GABRA3: variants seen among roughly 807,000 people sequenced by gnomAD.
GABRA3 encodes gamma-aminobutyric acid type A receptor subunit alpha3.
A neutral mutation model predicts 30.1 loss-of-function variants in GABRA3; 10 were observed. The ratio of observed to expected loss-of-function variants is 0.33; its 90% CI spans 0.20 to 0.56. The LOEUF is 0.56. GABRA3 is among the 20% of genes least tolerant of loss of function. GABRA3 has a pLI of 0.89. For missense variants in GABRA3, 233 were observed against 392.0 expected, an observed-to-expected ratio of 0.59 and a Z score of 3.42; for synonymous variants, 151 against 146.8, an observed-to-expected ratio of 1.03 and a Z score of -0.21.
At chrX:152,231,302 CGT>C (rs768086553) in intron 5 of GABRA3, among the ~76,000 whole-genome samples, 5 of 105,062 alleles carry the variant, frequency 4.8e-5, no homozygotes, top group Admixed American at 2.0e-4. Flanking sequence ...TGTATATATA[CGT>C]GTGTGTACAC....
intron 5 of GABRA3, among the ~76,000 whole-genome samples, chrX:152,232,027 G>T (rs1938090876): frequency 9.0e-6 from 1 of 110,519 alleles, no homozygotes; most frequent in African/African-American, 3.3e-5. Context: ...CTACAAATTT[G>T]TAGAGAGATT....
chrX:152,299,666 C>T (rs751116547), intron 3 of GABRA3, among the ~76,000 whole-genome samples: 5 of 111,433 alleles, frequency 4.5e-5, no homozygotes, highest in African/African-American at 6.5e-5. Context: ...TGGTTTCTGG[C>T]ATGATGGATT....
chrX:152,242,907 T>G (rs1274782892), intron 5 of GABRA3, among the ~76,000 whole-genome samples: 1 of 112,333 alleles, frequency 8.9e-6, no homozygotes, highest in Non-Finnish European at 1.9e-5. Flanking sequence ...TGAAGAAATA[T>G]CTGCATTTTC....
chrX:152,217,468 T>C (rs1427516465), intron 6 of GABRA3, among the ~76,000 whole-genome samples: 1 of 111,232 alleles, frequency 9.0e-6, no homozygotes, highest in Non-Finnish European at 1.9e-5. Flanking sequence ...ACTGGCCTCA[T>C]AGAATGAATT....
Position 152,360,464 on chromosome X carries a change from G to A in GABRA3, c.140+3967C>T, listed in dbSNP as rs187412075. Among the ~76,000 whole-genome samples the A allele has an allele frequency of 8.8e-3, 866 of 98,920 alleles. 12 individuals are homozygous for A. Among genetic ancestry groups the A allele is most frequent in the African/African-American group, 0.03 (823 of 27,020 alleles). 85.9% of individuals were successfully genotyped at this position (98,920 alleles called of 115,157 possible). A position where few individuals can be genotyped will look rare whatever the true frequency, so the allele number is the denominator to read the frequency against. On this transcript the variant is annotated intron_variant, in intron 2 of 9. Coordinates refer to ENST00000370314, the MANE Select transcript of GABRA3 (RefSeq NM_000808.4). The stretch of plus-strand genomic sequence containing the variant: ...GTGTTTTAACAAAAAACCAAACACC[G>A]CATATTCTCACTCATAGGTGGGAAT...
In GABRA3 at chrX:152,225,432, G is replaced by GCGCACACACA. The variant is rs35196156; in HGVS notation, c.552-588_552-587insTGTGTGTGCG. Among the ~76,000 whole-genome samples, 648 of 96,504 alleles carry GCGCACACACA rather than the reference G, an allele frequency of 6.7e-3. 2 individuals are homozygous for GCGCACACACA. Among genetic ancestry groups the GCGCACACACA allele is most frequent in the African/African-American group, 0.017 (446 of 26,470 alleles). 83.8% of individuals were successfully genotyped at this position (96,504 alleles called of 115,157 possible). On this transcript the variant is annotated intron_variant, in intron 5 of 9. Coordinates refer to ENST00000370314, the MANE Select transcript of GABRA3 (RefSeq NM_000808.4). ...CACACACACACGCACACACACACAC[G>GCGCACACACA]CACACACACACACACACACACACAC...
chrX:152,383,659 A>C (rs770702673), intron 1 of GABRA3, among the ~76,000 whole-genome samples: 1 of 108,438 alleles, frequency 9.2e-6, no homozygotes, highest in South Asian at 4.1e-4. Flanking sequence ...AATTTAGAAA[A>C]AGAATGTGAC....
At chrX:152,422,762 G>C (rs112686245) in intron 1 of GABRA3, among the ~76,000 whole-genome samples, 2,467 of 110,783 alleles carry the variant, frequency 0.022, 34 homozygotes, top group South Asian at 0.06. Context: ...CAACATTTCA[G>C]TTCAACGGTA....
intron 5 of GABRA3, among the ~76,000 whole-genome samples, chrX:152,225,442 A>ACACACG (rs1242600589): frequency 9.3e-6 from 1 of 107,154 alleles, no homozygotes; most frequent in East Asian, 3.0e-4. Context: ...GCACACACAC[A>ACACACG]CACACACACA....
intron 4 of GABRA3, among the ~76,000 whole-genome samples, chrX:152,270,063 A>G (rs1463001686): frequency 3.6e-5 from 4 of 112,151 alleles, no homozygotes; most frequent in African/African-American, 1.3e-4. Flanking sequence ...GACAACCCAC[A>G]GAACAGGAGG....
intron 1 of GABRA3, among the ~76,000 whole-genome samples, chrX:152,403,357 T>C (rs1485925106): frequency 2.7e-5 from 3 of 111,119 alleles, no homozygotes; most frequent in African/African-American, 9.8e-5. Context: ...CCATTCATAT[T>C]AGCAAAAAAA....
intron 1 of GABRA3, among the ~76,000 whole-genome samples, chrX:152,396,202 G>A (rs1465923174): frequency 1.8e-5 from 2 of 111,728 alleles, no homozygotes; most frequent in Non-Finnish European, 3.8e-5. Context: ...AGATTGGAGT[G>A]ATGCTGCCAC....
At chrX:152,301,604 G>C (rs1443474801) in intron 3 of GABRA3, among the ~76,000 whole-genome samples, 2 of 110,841 alleles carry the variant, frequency 1.8e-5, no homozygotes, top group African/African-American at 6.6e-5. Flanking sequence ...TGCGATCTCG[G>C]CTCACTGCAA....
At chrX:152,401,178 G>A (rs1246261117) in intron 1 of GABRA3, among the ~76,000 whole-genome samples, 1 of 109,362 alleles carries the variant, frequency 9.1e-6, no homozygotes, top group South Asian at 3.9e-4. Context: ...TGTTACATCA[G>A]CAATAGAAAG....
intron 6 of GABRA3, among the ~76,000 whole-genome samples, chrX:152,213,923 C>CT (rs760097922): frequency 1.5e-4 from 17 of 109,985 alleles, no homozygotes; most frequent in South Asian, 7.8e-4. Flanking sequence ...TTCTCTATTC[C>CT]TTTTTTTTTA....
At chrX:152,375,478 C>T (rs191682422) in intron 1 of GABRA3, among the ~76,000 whole-genome samples, 249 of 112,293 alleles carry the variant, frequency 2.2e-3, no homozygotes, top group African/African-American at 8.0e-3. Flanking sequence ...TTCTACTCCA[C>T]TTGCTCTTTG....
At chrX:152,416,231 GACAA>G (rs1452289281) in intron 1 of GABRA3, among the ~76,000 whole-genome samples, 1 of 96,534 alleles carries the variant, frequency 1.0e-5, no homozygotes, top group African/African-American at 3.8e-5. Context: ...ACCAGCAACA[GACAA>G]ACAGAGAGCC....
chrX:152,393,169 T>C (rs191525988), intron 1 of GABRA3, among the ~76,000 whole-genome samples: 1 of 112,127 alleles, frequency 8.9e-6, no homozygotes, highest in East Asian at 2.8e-4. Context: ...AAGATGGCAA[T>C]GATTAAACGG....
intron 3 of GABRA3, among the ~76,000 whole-genome samples, chrX:152,300,671 T>G (rs1207604305): frequency 8.9e-6 from 1 of 112,324 alleles, no homozygotes; most frequent in Non-Finnish European, 1.9e-5. Context: ...ATAGATGTTC[T>G]CAGCAGAGAA....
Sources: gnomAD v4.1 joint callset for allele counts (sites outside exome capture counted in the v4.1 genomes callset) on GRCh38, gnomAD v4.1.1 for gene constraint, MANE v1.5 for transcripts, NCBI Gene and HGNC (gene_info 2026-07-23, HGNC 2026-07-21) for gene names.